The following TMEM273 variants were observed in gnomAD, a reference collection of about 807,000 sequenced individuals.
The protein encoded by TMEM273 is transmembrane protein 273.
Under a neutral mutation model 17.9 loss-of-function variants are expected in TMEM273, and 19 were observed. The ratio of observed to expected loss-of-function variants is 1.06; its 90% CI spans 0.74 to 1.55. The LOEUF is 1.55. Among genes scored for constraint, TMEM273 ranks in the 40% most tolerant of loss-of-function variants. TMEM273 has a pLI of 0.00. For synonymous variants in TMEM273, 66 were observed against 62.0 expected, an observed-to-expected ratio of 1.07 and a Z score of -0.31; for missense variants, 194 against 155.6, an observed-to-expected ratio of 1.25 and a Z score of -1.31.
intron 1 of TMEM273, 73 bp from the exon 2 acceptor site, chr10:49,168,035 C>T (rs1371858617): frequency 6.4e-7 from 1 of 1,573,996 alleles, no homozygotes; most frequent in Non-Finnish European, 8.7e-7. Flanking sequence ...GTCTCAGAGG[C>T]CTGGGAAAGC....
chr10:49,182,330 T>A lies in TMEM273; in HGVS notation c.43+5964A>T, dbSNP rs573792972. Among the ~76,000 whole-genome samples, 4 of 152,300 alleles carry A rather than the reference T, an allele frequency of 2.6e-5. No individual in the cohort carries two copies. In the East Asian group the frequency reaches 7.7e-4, roughly 29 times the overall value. ...GACTCAGACCCAAGGAATAAAGTGA[T>A]GACTTTGACTTGTAAGATAAAAACG... On this transcript the variant is annotated intron_variant, in intron 1 of 6. Transcript: ENST00000374153.
At chr10:49,161,389 A>C (rs1318637220) in intron 6 of TMEM273, 1 of 623,754 alleles carries the variant, frequency 1.6e-6, no homozygotes, top group Non-Finnish European at 2.9e-6. Flanking sequence ...CCACAGCTTC[A>C]TGTTAAATCT....
intron 5 of TMEM273, among the ~76,000 whole-genome samples, chr10:49,162,099 C>G (rs984251014): frequency 6.6e-6 from 1 of 152,146 alleles, no homozygotes; most frequent in African/African-American, 2.4e-5. Context: ...CCTGATAGCT[C>G]AAAATAACCC....
chr10:49,161,275 C>T, intron 6 of TMEM273: 1 of 350,768 alleles, frequency 2.9e-6, no homozygotes, highest in Non-Finnish European at 5.2e-6. Flanking sequence ...ACTAAATTGG[C>T]TAATTATTAG....
At chr10:49,172,354 A>C (rs776917543) in intron 1 of TMEM273, among the ~76,000 whole-genome samples, 24 of 152,318 alleles carry the variant, frequency 1.6e-4, no homozygotes, top group Non-Finnish European at 3.4e-4. Flanking sequence ...AGAGTGTCAC[A>C]GGCAAAGCTC....
chr10:49,164,305 G>T (rs1310564883), intron 5 of TMEM273, among the ~76,000 whole-genome samples: 2 of 152,044 alleles, frequency 1.3e-5, no homozygotes, highest in Non-Finnish European at 2.9e-5. Flanking sequence ...CTCATCCCAG[G>T]TCCCTGGGCC....
At chr10:49,181,146 A>T (rs1290765695) in intron 1 of TMEM273, among the ~76,000 whole-genome samples, 1 of 152,264 alleles carries the variant, frequency 6.6e-6, no homozygotes, top group Middle Eastern at 3.2e-3. Flanking sequence ...AATACAACAC[A>T]ACTTACGATC....
rs978617387 is a variant in TMEM273 at position 49,165,343 on chromosome 10, G to A, written c.270-60C>T. Reference sequence around the variant, plus strand: ...AGTGCAAAGGTCCCAAGGCAGGACCGTCCCTGAGGACGTGGGCTCTGTGCA... The same window carrying A: ...AGTGCAAAGGTCCCAAGGCAGGACCATCCCTGAGGACGTGGGCTCTGTGCA... On this transcript the variant is annotated intron_variant, in intron 4 of 6. Transcript: ENST00000374153. 46 of 1,549,924 alleles carry A rather than the reference G, an allele frequency of 3.0e-5. No individual in the cohort carries two copies. The East Asian group carries it at 3.4e-4, about 12-fold the overall frequency.
chr10:49,178,426 AC>A, intron 1 of TMEM273: 1 of 398,348 alleles, frequency 2.5e-6, no homozygotes, highest in Non-Finnish European at 5.1e-6. Flanking sequence ...TGGTGACAGT[AC>A]AGAGGGGAGT....
At chr10:49,161,708 G>C in intron 5 of TMEM273, 86 bp from the exon 6 acceptor site, 3 of 1,550,956 alleles carry the variant, frequency 1.9e-6, no homozygotes, top group Non-Finnish European at 2.7e-6. Flanking sequence ...AGAGTGGCTT[G>C]CTTGTCATTA....
intron 1 of TMEM273, among the ~76,000 whole-genome samples, chr10:49,169,404 G>A (rs886349599): frequency 1.3e-5 from 2 of 152,190 alleles, no homozygotes; most frequent in African/African-American, 4.8e-5. Flanking sequence ...AGCTCTGCAG[G>A]GGACAGCTTT....
At chr10:49,176,636 G>T (rs1397567981) in intron 1 of TMEM273, among the ~76,000 whole-genome samples, 3 of 152,164 alleles carry the variant, frequency 2.0e-5, no homozygotes, top group Non-Finnish European at 4.4e-5. Context: ...GCATTGCTCT[G>T]GAGTCCTGAG....
intron 1 of TMEM273, among the ~76,000 whole-genome samples, chr10:49,184,794 C>T (rs1291615581): frequency 1.3e-5 from 2 of 152,140 alleles, no homozygotes; most frequent in African/African-American, 2.4e-5. Flanking sequence ...GGAGGTGGGG[C>T]GAGAGGGCTC....
At chr10:49,174,813 C>G (rs1241341402) in intron 1 of TMEM273, among the ~76,000 whole-genome samples, 4 of 152,162 alleles carry the variant, frequency 2.6e-5, no homozygotes, top group Admixed American at 2.6e-4. Context: ...TCAGAGCAGA[C>G]CACTTGCTTG....
chr10:49,181,140 C>T (rs1431560126), intron 1 of TMEM273, among the ~76,000 whole-genome samples: 2 of 152,202 alleles, frequency 1.3e-5, no homozygotes, highest in East Asian at 3.8e-4. Flanking sequence ...ACTTTAAATA[C>T]AACACAACTT....
intron 6 of TMEM273, among the ~76,000 whole-genome samples, chr10:49,157,602 G>A (rs1356830046): frequency 6.6e-6 from 1 of 152,174 alleles, no homozygotes; most frequent in Non-Finnish European, 1.5e-5. Flanking sequence ...ATTTATGCCT[G>A]CTAATACTGA....
At chr10:49,187,456 C>T (rs535867093) in intron 1 of TMEM273, among the ~76,000 whole-genome samples, 30 of 152,320 alleles carry the variant, frequency 2.0e-4, no homozygotes, top group African/African-American at 5.1e-4. Context: ...CATTGAGTCT[C>T]GGCCCAGTGC....
intron 1 of TMEM273, among the ~76,000 whole-genome samples, chr10:49,186,792 G>A (rs1329416525): frequency 6.6e-6 from 1 of 152,206 alleles, no homozygotes; most frequent in Non-Finnish European, 1.5e-5. Flanking sequence ...AACGAGCTGT[G>A]ATGCCTTGGC....
At chr10:49,177,855 G>A (rs1476838242) in intron 1 of TMEM273, among the ~76,000 whole-genome samples, 1 of 152,134 alleles carries the variant, frequency 6.6e-6, no homozygotes, top group Non-Finnish European at 1.5e-5. Context: ...GCATGGGCTG[G>A]CCAGGAGCTG....
Sources: allele counts gnomAD v4.1 joint callset (sites outside exome capture counted in the v4.1 genomes callset), GRCh38; gene constraint gnomAD v4.1.1; transcripts MANE v1.5; gene names NCBI Gene and HGNC (gene_info 2026-07-23, HGNC 2026-07-21).